The following CNBD1 variants were observed in gnomAD, a reference collection of about 807,000 sequenced individuals.
CNBD1 encodes cyclic nucleotide-binding domain-containing protein 1.
In CNBD1, 71 loss-of-function variants were observed where a neutral mutation model predicts 54.4. The ratio of observed to expected loss-of-function variants is 1.30; its 90% CI spans 1.08 to 1.59. The LOEUF (loss-of-function observed/expected upper bound fraction) is 1.59. CNBD1 is among the 40% of genes most tolerant of loss of function. The probability of loss-of-function intolerance (pLI) is 0.00; values close to 1 mark genes in which losing one functional copy is unlikely to be tolerated. For synonymous variants in CNBD1, 182 were observed against 170.7 expected, an observed-to-expected ratio of 1.07 and a Z score of -0.51; for missense variants, 659 against 518.0, an observed-to-expected ratio of 1.27 and a Z score of -2.64.
intron 6 of CNBD1, among the ~76,000 whole-genome samples, chr8:87,247,889 C>A (rs1807838690): frequency 6.6e-6 from 1 of 152,078 alleles, no homozygotes; most frequent in Non-Finnish European, 1.5e-5. Context: ...TTCAGCTAGC[C>A]ACAATTTCTG....
At chr8:87,262,021 G>A (rs187427281) in intron 6 of CNBD1, among the ~76,000 whole-genome samples, 4 of 151,944 alleles carry the variant, frequency 2.6e-5, no homozygotes, top group Admixed American at 6.6e-5. Flanking sequence ...TGACGTGGTG[G>A]TGCATGCCTG....
intron 8 of CNBD1, among the ~76,000 whole-genome samples, chr8:87,300,093 T>C (rs560128550): frequency 6.6e-6 from 1 of 152,262 alleles, no homozygotes; most frequent in Admixed American, 6.5e-5. Context: ...GGAGAACATA[T>C]GCAAATCAGT....
chr8:87,159,128 G>A (rs1022556623), intron 4 of CNBD1, among the ~76,000 whole-genome samples: 6 of 152,028 alleles, frequency 3.9e-5, no homozygotes, highest in Non-Finnish European at 5.9e-5. Flanking sequence ...AATTTTGATG[G>A]ATACTTATTT....
intron 4 of CNBD1, among the ~76,000 whole-genome samples, chr8:86,952,460 T>C (rs945420903): frequency 6.6e-6 from 1 of 152,086 alleles, no homozygotes; most frequent in African/African-American, 2.4e-5. Flanking sequence ...CATAGTACCA[T>C]TTATGGAATG....
At chr8:87,251,783 A>G (rs1309204145) in intron 6 of CNBD1, among the ~76,000 whole-genome samples, 4 of 152,132 alleles carry the variant, frequency 2.6e-5, no homozygotes, top group Non-Finnish European at 5.9e-5. Context: ...AAGTTTAGGT[A>G]AAACATTTCA....
chr8:87,121,669 C>A (rs11782365), intron 4 of CNBD1, among the ~76,000 whole-genome samples: 34,496 of 151,536 alleles, frequency 0.23, 4,591 homozygotes, highest in Admixed American at 0.3. Context: ...TTGTTCCCTC[C>A]CTGTACTCCC....
chr8:87,027,934 G>T (rs1379927255), intron 4 of CNBD1, among the ~76,000 whole-genome samples: 1 of 152,084 alleles, frequency 6.6e-6, no homozygotes, highest in Non-Finnish European at 1.5e-5. Flanking sequence ...TCTCTCAGTT[G>T]GGCCTGATCA....
chr8:87,343,941 A>G (rs2130921746), intron 8 of CNBD1, among the ~76,000 whole-genome samples: 1 of 152,116 alleles, frequency 6.6e-6, no homozygotes, highest in East Asian at 1.9e-4. Context: ...CATACTTGAT[A>G]CATATTATAA....
At chr8:86,939,436 T>C (rs1391816387) in intron 3 of CNBD1, among the ~76,000 whole-genome samples, 160 bp from the exon 4 acceptor site, 1 of 152,184 alleles carries the variant, frequency 6.6e-6, no homozygotes, top group Admixed American at 6.5e-5. Flanking sequence ...AACTGTACTA[T>C]GGAGATTGAA....
intron 5 of CNBD1, among the ~76,000 whole-genome samples, chr8:87,212,512 A>G (rs893663106): frequency 1.3e-5 from 2 of 152,190 alleles, no homozygotes; most frequent in African/African-American, 4.8e-5. Context: ...AAATATATAG[A>G]GAGATCAATG....
Position 87,275,127 on chromosome 8 carries a change from A to T in CNBD1, c.772-9551A>T, listed in dbSNP as rs202114764. Among the ~76,000 whole-genome samples the T allele has an allele frequency of 3.6e-5, 5 of 137,492 alleles. No homozygotes were observed. The East Asian group carries it at 1.0e-3, about 28-fold the overall frequency. The allele number at this position is 137,492 out of a possible 152,430, so 90.2% of individuals were successfully genotyped here. On this transcript the variant is annotated intron_variant, in intron 6 of 10. Transcript: ENST00000518476. ...CTGAGGGCTGTGTTCTGTTCCATTG[A>T]TCTGTATGTCTGTTTTGGTACCAGT...
chr8:87,082,717 T>C (rs1394706599), intron 4 of CNBD1, among the ~76,000 whole-genome samples: 1 of 152,150 alleles, frequency 6.6e-6, no homozygotes, highest in South Asian at 2.1e-4. Context: ...TTTAGGTGTT[T>C]AGACCATATA....
chr8:86,918,227 C>T (rs1340391986), intron 3 of CNBD1, among the ~76,000 whole-genome samples: 1 of 151,858 alleles, frequency 6.6e-6, no homozygotes, highest in East Asian at 1.9e-4. Flanking sequence ...TCTGTCATGA[C>T]TTAAAAAAAA....
chr8:87,050,360 A>T (rs1273383282), intron 4 of CNBD1, among the ~76,000 whole-genome samples: 3 of 152,178 alleles, frequency 2.0e-5, no homozygotes, highest in Non-Finnish European at 4.4e-5. Context: ...TTGAAACCTT[A>T]TATCCTCTCT....
At chr8:87,024,771 C>T (rs572546633) in intron 4 of CNBD1, among the ~76,000 whole-genome samples, 4 of 152,222 alleles carry the variant, frequency 2.6e-5, no homozygotes, top group Middle Eastern at 3.4e-3. Flanking sequence ...TCCTAGATAA[C>T]GAGATAATTT....
intron 3 of CNBD1, among the ~76,000 whole-genome samples, chr8:86,931,912 A>G (rs534325285): frequency 8.4e-4 from 128 of 152,240 alleles, no homozygotes; most frequent in African/African-American, 2.6e-3. Flanking sequence ...TGAATAATTC[A>G]TGGGCTTTTT....
intron 2 of CNBD1, among the ~76,000 whole-genome samples, chr8:87,394,694 C>A (rs1354719214): frequency 6.6e-6 from 1 of 151,776 alleles, no homozygotes; most frequent in Non-Finnish European, 1.5e-5. Context: ...TAGAGAGCAC[C>A]TATCCATGCA....
chr8:87,377,996 G>T lies in CNBD1; in HGVS notation c.1304-4624G>T, dbSNP rs1045802771. 5.2e-5 allele frequency among the ~76,000 whole-genome samples: 7 copies of T among 134,708 alleles called. No individual in the cohort carries two copies. The East Asian group carries it at 1.3e-3, about 24-fold the overall frequency. The allele number at this position is 134,708 out of a possible 152,430, so 88.4% of individuals were successfully genotyped here. Reference sequence around the variant, plus strand: ...ATGTCCTTTGCCCACTTTTTGATGGGGTTGTTTGTTTTTTTCTTGTAAATT... The same window carrying T: ...ATGTCCTTTGCCCACTTTTTGATGGTGTTGTTTGTTTTTTTCTTGTAAATT... On this transcript the variant is annotated intron_variant, in intron 10 of 10. Transcript: ENST00000518476.
At chr8:87,291,029 T>C (rs901458706) in intron 8 of CNBD1, among the ~76,000 whole-genome samples, 1 of 152,210 alleles carries the variant, frequency 6.6e-6, no homozygotes. Flanking sequence ...CTCTCTCATA[T>C]ATTGTTAGCT....
Sources: allele counts gnomAD v4.1 joint callset (sites outside exome capture counted in the v4.1 genomes callset), GRCh38; gene constraint gnomAD v4.1.1; transcripts MANE v1.5; gene names NCBI Gene and HGNC (gene_info 2026-07-23, HGNC 2026-07-21).